The following CHODL variants were observed in gnomAD, a reference collection of about 807,000 sequenced individuals.
The protein encoded by CHODL is chondrolectin.
CHODL carries 29 observed loss-of-function variants against 34.5 expected under a neutral mutation model. The ratio of observed to expected loss-of-function variants is 0.84; its 90% CI spans 0.63 to 1.15. The LOEUF is 1.15. Among genes scored for constraint, CHODL ranks in the 50% most tolerant of loss-of-function variants. CHODL has a pLI of 0.00. For synonymous variants in CHODL, 125 were observed against 116.1 expected, an observed-to-expected ratio of 1.08 and a Z score of -0.49; for missense variants, 332 against 332.5, an observed-to-expected ratio of 1.00 and a Z score of 0.01.
At chr21:17,994,294 A>G (rs1394606977) in intron 1 of CHODL, among the ~76,000 whole-genome samples, 1 of 152,154 alleles carries the variant, frequency 6.6e-6, no homozygotes, top group African/African-American at 2.4e-5. Flanking sequence ...GGTGACAGCG[A>G]TGGGCTGGGG....
chr21:17,980,162 A>G (rs2146374133), intron 1 of CHODL, among the ~76,000 whole-genome samples: 1 of 152,012 alleles, frequency 6.6e-6, no homozygotes, highest in South Asian at 2.1e-4. Context: ...TTGCCTGAGA[A>G]AAAATGTGGA....
intron 2 of CHODL, among the ~76,000 whole-genome samples, chr21:18,067,699 T>C (rs184254784): frequency 6.6e-6 from 1 of 152,350 alleles, no homozygotes; most frequent in Admixed American, 6.5e-5. Context: ...TAGTTCCTTT[T>C]TCCTTCATAT....
At chr21:18,207,359 T>C (rs2073723954) in intron 2 of CHODL, among the ~76,000 whole-genome samples, 1 of 152,218 alleles carries the variant, frequency 6.6e-6, no homozygotes, top group African/African-American at 2.4e-5. Flanking sequence ...CTCAACATTT[T>C]AATTTTATCT....
chr21:18,194,712 C>G (rs1052288445), intron 2 of CHODL, among the ~76,000 whole-genome samples: 1 of 151,848 alleles, frequency 6.6e-6, no homozygotes, highest in African/African-American at 2.4e-5. Context: ...ATAGTTAAAT[C>G]AAGCTAATTG....
intron 2 of CHODL, among the ~76,000 whole-genome samples, chr21:18,129,451 T>A (rs889001890): frequency 2.6e-5 from 4 of 152,130 alleles, no homozygotes; most frequent in African/African-American, 7.2e-5. Flanking sequence ...TGGGGAAGGA[T>A]GGAAGTAAAT....
intron 2 of CHODL, among the ~76,000 whole-genome samples, chr21:18,231,699 G>T (rs1215886261): frequency 1.3e-5 from 2 of 152,032 alleles, no homozygotes; most frequent in Admixed American, 1.3e-4. Context: ...TCCAGCTTCA[G>T]AGTCTTTTCA....
chr21:18,110,923 A>C (rs1310670057), intron 2 of CHODL, among the ~76,000 whole-genome samples: 1 of 152,100 alleles, frequency 6.6e-6, no homozygotes, highest in Non-Finnish European at 1.5e-5. Context: ...CTTCCAAATA[A>C]GCCTCCTCAG....
intron 1 of CHODL, among the ~76,000 whole-genome samples, chr21:17,940,864 G>T (rs1460015595): frequency 2.6e-5 from 4 of 152,110 alleles, no homozygotes; most frequent in African/African-American, 9.7e-5. Flanking sequence ...TCACTGAATG[G>T]TCGTATCTGT....
chr21:17,927,047 CATATATGTGTATATGTATGT>C (rs1470369048), intron 1 of CHODL, among the ~76,000 whole-genome samples: 2 of 149,682 alleles, frequency 1.3e-5, no homozygotes, highest in Non-Finnish European at 3.0e-5. Flanking sequence ...TATATGTATG[CATATATGTGTATATGTATGT>C]ATATGTATAT....
intron 2 of CHODL, among the ~76,000 whole-genome samples, chr21:18,232,371 G>T (rs927057055): frequency 6.6e-6 from 1 of 151,982 alleles, no homozygotes; most frequent in African/African-American, 2.4e-5. Flanking sequence ...TCACAGTTCT[G>T]GAGGCAGGGA....
intron 2 of CHODL, among the ~76,000 whole-genome samples, chr21:18,059,235 A>G (rs1432434523): frequency 2.0e-5 from 3 of 152,178 alleles, no homozygotes. Context: ...GCGGCCATCT[A>G]CAGGCCAGAA....
intron 2 of CHODL, among the ~76,000 whole-genome samples, chr21:18,043,455 T>C (rs150211): frequency 0.16 from 23,639 of 151,932 alleles, 4,209 homozygotes; most frequent in African/African-American, 0.44. Flanking sequence ...CAATAAGATG[T>C]TCCATGAACA....
chr21:18,074,444 T>C (rs2064841065), intron 2 of CHODL, among the ~76,000 whole-genome samples: 1 of 152,186 alleles, frequency 6.6e-6, no homozygotes, highest in South Asian at 2.1e-4. Flanking sequence ...GTAAGTTTCT[T>C]TTGAAGACAA....
intron 1 of CHODL, among the ~76,000 whole-genome samples, chr21:18,249,666 A>G (rs973719802): frequency 1.3e-5 from 2 of 152,168 alleles, no homozygotes; most frequent in Admixed American, 6.5e-5. Flanking sequence ...GGTTTGAGAC[A>G]TATGGAGACA....
At chr21:18,010,281 A>G (rs2064004667) in intron 1 of CHODL, among the ~76,000 whole-genome samples, 1 of 130,560 alleles carries the variant, frequency 7.7e-6, no homozygotes, top group Non-Finnish European at 1.6e-5. Flanking sequence ...TGGGCGACAG[A>G]GCAAGACTCC....
At chr21:18,240,839 T>A (rs1354413160), upstream of CHODL, among the ~76,000 whole-genome samples, 1 of 152,186 alleles carries the variant, frequency 6.6e-6, no homozygotes, top group Non-Finnish European at 1.5e-5. Flanking sequence ...TCTATAAATA[T>A]TTTTAACTGA....
intron 4 of CHODL, among the ~76,000 whole-genome samples, chr21:18,261,063 T>C (rs1034253334): frequency 2.6e-5 from 4 of 152,164 alleles, no homozygotes; most frequent in African/African-American, 7.2e-5. Context: ...CTATTGCTCA[T>C]GAGTTTGTCT....
At chr21:18,064,471 T>C (rs2064706579) in intron 2 of CHODL, among the ~76,000 whole-genome samples, 1 of 152,230 alleles carries the variant, frequency 6.6e-6, no homozygotes, top group South Asian at 2.1e-4. Context: ...TATAGTTGTG[T>C]TGGTTAAAGG....
At chr21:18,028,566 G>A (rs197517) in intron 2 of CHODL, among the ~76,000 whole-genome samples, 3,648 of 151,692 alleles carry the variant, frequency 0.024, 146 homozygotes, top group African/African-American at 0.083. Context: ...GGGCGTGGTG[G>A]CAGGTGCTTG....
Sources: gnomAD v4.1 joint callset for allele counts (sites outside exome capture counted in the v4.1 genomes callset) on GRCh38, gnomAD v4.1.1 for gene constraint, MANE v1.5 for transcripts, NCBI Gene and HGNC (gene_info 2026-07-23, HGNC 2026-07-21) for gene names.